Variants in HDGFL2 observed in about 807,000 individuals in gnomAD.
HDGFL2 encodes the protein HDGF like 2.
A neutral mutation model predicts 77.1 loss-of-function variants in HDGFL2; 36 were observed. The observed-to-expected ratio is 0.47, with a 90% confidence interval of 0.36 to 0.62. HDGFL2 has a LOEUF of 0.62. HDGFL2 is among the 20% of genes least tolerant of loss of function. The probability of loss-of-function intolerance (pLI) is 0.00; values close to 1 mark genes in which losing one functional copy is unlikely to be tolerated. For missense variants in HDGFL2, 976 were observed against 973.4 expected (o/e 1.00, Z -0.04); for synonymous variants, 463 against 413.1 (o/e 1.12, Z -1.46).
intron 4 of HDGFL2, among the ~76,000 whole-genome samples, chr19:4,491,268 C>A (rs1975502189): frequency 8.1e-6 from 1 of 122,992 alleles, no homozygotes; most frequent in Admixed American, 8.1e-5. Context: ...CCCACCCCCC[C>A]ACCCCCCCAC....
At chr19:4,474,642 C>G (rs542499643) in intron 1 of HDGFL2, among the ~76,000 whole-genome samples, 2 of 152,110 alleles carry the variant, frequency 1.3e-5, no homozygotes, top group Non-Finnish European at 2.9e-5. Context: ...AGGCACTTCC[C>G]TCCCTTTCCC....
chr19:4,490,514 G>A (rs564764272), intron 4 of HDGFL2, among the ~76,000 whole-genome samples: 3 of 152,300 alleles, frequency 2.0e-5, no homozygotes, highest in South Asian at 4.1e-4. Flanking sequence ...TGCCGTGAAC[G>A]TTTCTGTACA....
Position 4,502,141 on chromosome 19 carries a change from TTCCTGCC to T in HDGFL2, c.*133_*139del. 1.4e-6 allele frequency: 1 copy of T among 730,278 alleles called. No homozygotes were observed. Among genetic ancestry groups the T allele is most frequent in the Non-Finnish European group, 2.4e-6 (1 of 415,894 alleles). 45.2% of individuals were successfully genotyped at this position (730,278 alleles called of 1,614,324 possible). A position where few individuals can be genotyped will look rare whatever the true frequency, so the allele number is the denominator to read the frequency against. The stretch of plus-strand genomic sequence containing the variant: ...TGTATTTGTTCCCTTGGGTTTTTTT[TTCCTGCC>T]TAATTTCTGTGATTTCCAACCAACA... On this transcript the variant is annotated 3_prime_UTR_variant, in exon 16 of 16. Transcript: ENST00000616600.
chr19:4,484,476 T>G (rs1020051398), intron 3 of HDGFL2, among the ~76,000 whole-genome samples: 23 of 147,914 alleles, frequency 1.6e-4, no homozygotes, highest in Non-Finnish European at 2.5e-4. Context: ...ACATTCTCAG[T>G]GTACCATTCT....
At chr19:4,490,874 C>A (rs1244933414) in intron 4 of HDGFL2, among the ~76,000 whole-genome samples, 1 of 151,198 alleles carries the variant, frequency 6.6e-6, no homozygotes, top group Non-Finnish European at 1.5e-5. Flanking sequence ...TGTGATGGCG[C>A]AATCTCGGCT....
chr19:4,474,319 T>C (rs1379995447), intron 1 of HDGFL2, among the ~76,000 whole-genome samples: 1 of 151,724 alleles, frequency 6.6e-6, no homozygotes, highest in African/African-American at 2.4e-5. Context: ...CGTGGGCGGG[T>C]CTTGGGAGAA....
chr19:4,479,286 A>C (rs1398935615), intron 3 of HDGFL2, among the ~76,000 whole-genome samples: 1 of 151,698 alleles, frequency 6.6e-6, no homozygotes, highest in Non-Finnish European at 1.5e-5. Flanking sequence ...CTGTCTCTAC[A>C]AAAATACAAA....
In HDGFL2 at chr19:4,501,270, G is replaced by A. The variant is rs766009430; in HGVS notation, c.1869G>A (p.Arg623=). ...SAEDKEHEEG[R]DSEEGPRCGS... ...AGGACAAGGAGCACGAGGAGGGTCGGGACTCGGAGGAGGGGCCAAGGTGTG... is the reference window on the plus strand; with the variant it reads ...AGGACAAGGAGCACGAGGAGGGTCGAGACTCGGAGGAGGGGCCAAGGTGTG... Residue 623 remains arginine (R), a synonymous_variant, in exon 15 of 16, where the codon CGG becomes CGA. Coordinates refer to ENST00000616600, the MANE Select transcript of HDGFL2 (RefSeq NM_001001520.3). 4 of 1,612,504 alleles carry A rather than the reference G, an allele frequency of 2.5e-6. No homozygotes were observed. In the South Asian group the frequency reaches 3.3e-5, roughly 13 times the overall value.
At chr19:4,475,158 C>T (rs910250779) in intron 1 of HDGFL2, 117 bp from the exon 2 acceptor site, 39 of 791,628 alleles carry the variant, frequency 4.9e-5, no homozygotes, top group Non-Finnish European at 4.4e-5. Flanking sequence ...GCTGCTGCTT[C>T]CTGGGTTGAA....
At chr19:4,494,898 C>T (rs1021250422) in intron 9 of HDGFL2, among the ~76,000 whole-genome samples, 1 of 151,796 alleles carries the variant, frequency 6.6e-6, no homozygotes, top group Admixed American at 6.6e-5. Flanking sequence ...CCAGCCTGGG[C>T]CACACAGCAA....
At position 4,493,068 on chromosome 19, in the gene HDGFL2, G is replaced by T. The variant is rs570300790; in HGVS notation, c.679-635G>T. On this transcript the variant is annotated intron_variant, in intron 6 of 15. Coordinates refer to ENST00000616600, the MANE Select transcript of HDGFL2 (RefSeq NM_001001520.3). ...TATCTGTGTGGTGTGTGTGTTGTCT[G>T]TGTGTGGTGTGTGTGTGTTATCTGT... is the stretch of plus-strand genomic sequence containing the variant. Among the ~76,000 whole-genome samples the T allele has an allele frequency of 3.4e-3, 333 of 97,966 alleles. 5 individuals are homozygous for T. The highest frequency in any genetic ancestry group is 0.011 in the South Asian group (36 of 3,228). 64.3% of individuals were successfully genotyped at this position (97,966 alleles called of 152,430 possible). A position where few individuals can be genotyped will look rare whatever the true frequency, so the allele number is the denominator to read the frequency against.
chr19:4,500,663 G>T (rs1045218330), intron 14 of HDGFL2, among the ~76,000 whole-genome samples: 2 of 152,092 alleles, frequency 1.3e-5, no homozygotes, highest in African/African-American at 4.8e-5. Context: ...GGGTTTCACC[G>T]TGTTATCCAG....
intron 1 of HDGFL2, among the ~76,000 whole-genome samples, chr19:4,473,583 T>TG (rs918721449): frequency 7.2e-6 from 1 of 138,220 alleles, no homozygotes; most frequent in Admixed American, 7.6e-5. Flanking sequence ...TTTGAGGGGC[T>TG]GGGGGGCCGA....
At position 4,499,583 on chromosome 19, in the gene HDGFL2, G is replaced by A; in HGVS notation, c.1668G>A (p.Glu556=). ...CGCGGGTCCTCGGCCCAAAGATCGA[G>A]GCGGTGCAGAAAGTGAACAAGGCTG... ...LKSRVLGPKI[E]AVQKVNKAGM... The change falls in exon 14 of 16, where the codon GAG becomes GAA. Residue 556 remains glutamate (E), a synonymous_variant. Transcript: ENST00000616600. 2 of 1,612,476 alleles carry A rather than the reference G, an allele frequency of 1.2e-6. No homozygotes were observed. The highest frequency in any genetic ancestry group is 1.7e-6 in the Non-Finnish European group (2 of 1,179,386).
intron 3 of HDGFL2, among the ~76,000 whole-genome samples, chr19:4,482,840 G>A (rs915323611): frequency 6.6e-6 from 1 of 152,154 alleles, no homozygotes; most frequent in Non-Finnish European, 1.5e-5. Context: ...TATAACTGCC[G>A]GTGGCTCCTG....
At chr19:4,499,278 G>A (rs1412101332) in intron 13 of HDGFL2, among the ~76,000 whole-genome samples, 5 of 152,086 alleles carry the variant, frequency 3.3e-5, no homozygotes, top group Admixed American at 2.6e-4. Context: ...GCTGGGAGGC[G>A]GAGGTTGCAG....
intron 3 of HDGFL2, among the ~76,000 whole-genome samples, chr19:4,483,735 C>T (rs1318915135): frequency 1.3e-5 from 2 of 151,622 alleles, no homozygotes; most frequent in African/African-American, 4.9e-5. Context: ...TCCAGCCTGT[C>T]ACACGCCATT....
At chr19:4,480,892 T>C (rs2145163944) in intron 3 of HDGFL2, among the ~76,000 whole-genome samples, 1 of 151,576 alleles carries the variant, frequency 6.6e-6, no homozygotes, top group South Asian at 2.1e-4. Context: ...AGTCTCACTC[T>C]GTTGCCCAGG....
At chr19:4,493,160 T>G (rs1224382495) in intron 6 of HDGFL2, among the ~76,000 whole-genome samples, 2 of 131,436 alleles carry the variant, frequency 1.5e-5, no homozygotes, top group Non-Finnish European at 3.2e-5. Flanking sequence ...TGGTGTGTGT[T>G]GTCTGTGTGT....
Sources: gnomAD v4.1 joint callset for allele counts (sites outside exome capture counted in the v4.1 genomes callset) on GRCh38, gnomAD v4.1.1 for gene constraint, MANE v1.5 for transcripts, NCBI Gene and HGNC (gene_info 2026-07-23, HGNC 2026-07-21) for gene names.